Variants in ZYG11A observed in about 807,000 individuals in gnomAD.
ZYG11A encodes the protein zyg-11 family member A, cell cycle regulator, also known as protein zyg-11 homolog A.
Under a neutral mutation model 77.2 loss-of-function variants are expected in ZYG11A, and 62 were observed. The ratio of observed to expected loss-of-function variants is 0.80; its 90% CI spans 0.65 to 0.99. ZYG11A has a LOEUF of 0.99. Ranked by LOEUF, ZYG11A falls within the 50% of genes least tolerant of loss-of-function variation. The pLI is 0.00. For synonymous variants in ZYG11A, 315 were observed against 324.6 expected (o/e 0.97, Z 0.32); for missense variants, 828 against 896.8 (o/e 0.92, Z 0.98).
At position 52,894,311 on chromosome 1, in the gene ZYG11A, G is replaced by A. The variant is rs894536919; in HGVS notation, c.*1354G>A. On this transcript the variant is annotated 3_prime_UTR_variant, in exon 14 of 14. Transcript: ENST00000371528. The stretch of plus-strand genomic sequence containing the variant: ...CCATGACCAAAAATGGTAGGAAGAC[G>A]AAAGGCCAGAAAGAGACTTTGCCAG... 5 of 152,154 alleles carry A rather than the reference G, an allele frequency of 3.3e-5. No individual in the cohort carries two copies. Among genetic ancestry groups the A allele is most frequent in the African/African-American group, 4.8e-5 (2 of 41,428 alleles). The allele number at this position is 152,154 out of a possible 1,614,324, so 9.4% of individuals were successfully genotyped here.
chr1:52,855,985 T>C (rs1302062956), intron 2 of ZYG11A, among the ~76,000 whole-genome samples: 1 of 152,220 alleles, frequency 6.6e-6, no homozygotes, highest in African/African-American at 2.4e-5. Flanking sequence ...TTCATTTCTC[T>C]GAGTGAAATT....
At chr1:52,890,249 G>GTTTTTTTTTTTTTT (rs908467307) in intron 13 of ZYG11A, among the ~76,000 whole-genome samples, 1 of 71,658 alleles carries the variant, frequency 1.4e-5, no homozygotes, top group Non-Finnish European at 2.5e-5. Flanking sequence ...TTTTCTTTTA[G>GTTTTTTTTTTTTTT]TTTTTTTTTT....
rs188206151 is a variant in ZYG11A, at chr1:52,857,937, T to G, written c.1008+188T>G. 3.6e-3 allele frequency among the ~76,000 whole-genome samples: 549 copies of G among 152,054 alleles called. 1 individual carries two copies. Among genetic ancestry groups the G allele is most frequent in the Non-Finnish European group, 5.4e-3 (366 of 67,972 alleles). On this transcript the variant is annotated intron_variant, in intron 3 of 13. Coordinates refer to ENST00000371528, the MANE Select transcript of ZYG11A (RefSeq NM_001004339.3). ...GAAGGTTGTGAGAATATTATTATTA[T>G]TTTTTGAGATGGAGTAGTTTTGTAT...
At chr1:52,846,310 T>TATA (rs1645577708) in intron 1 of ZYG11A, among the ~76,000 whole-genome samples, 5 of 35,798 alleles carry the variant, frequency 1.4e-4, no homozygotes, top group African/African-American at 3.5e-4. Flanking sequence ...TTTTAAATTT[T>TATA]TATATATATA....
chr1:52,867,831 T>A (rs1412071544), intron 8 of ZYG11A, 54 bp downstream of exon 8: 6 of 1,428,218 alleles, frequency 4.2e-6, no homozygotes. Context: ...AAATTTATGA[T>A]TATAGCTTAA....
intron 1 of ZYG11A, among the ~76,000 whole-genome samples, chr1:52,849,661 C>G (rs988600111): frequency 3.4e-5 from 5 of 148,962 alleles, no homozygotes; most frequent in Non-Finnish European, 5.9e-5. Flanking sequence ...AACCACTGTG[C>G]TGGCCTAGAG....
intron 10 of ZYG11A, 48 bp downstream of exon 10, chr1:52,878,017 C>T (rs1207122440): frequency 4.1e-6 from 6 of 1,474,332 alleles, no homozygotes; most frequent in African/African-American, 1.4e-5. Context: ...AAAGCAAAAC[C>T]TAACACTTAT....
chr1:52,853,665 T>G (rs993636605), intron 1 of ZYG11A, among the ~76,000 whole-genome samples: 1 of 152,088 alleles, frequency 6.6e-6, no homozygotes. Flanking sequence ...AATCCAGCAC[T>G]TGGGGAAGCT....
At chr1:52,884,124 C>T (rs1319624798) in intron 11 of ZYG11A, among the ~76,000 whole-genome samples, 1 of 152,010 alleles carries the variant, frequency 6.6e-6, no homozygotes. Context: ...AGGTCATCCA[C>T]CCACCTCGGC....
chr1:52,867,099 G>T (rs1336809290), intron 6 of ZYG11A, among the ~76,000 whole-genome samples: 2 of 152,182 alleles, frequency 1.3e-5, no homozygotes. Flanking sequence ...AAAGAGCAGA[G>T]AAATGAGGCA....
At chr1:52,847,856 ATTTAT>A (rs1298557157) in intron 1 of ZYG11A, among the ~76,000 whole-genome samples, 1 of 89,640 alleles carries the variant, frequency 1.1e-5, no homozygotes, top group East Asian at 2.1e-4. Context: ...TTATTTATTT[ATTTAT>A]TTATTTATTT....
intron 2 of ZYG11A, among the ~76,000 whole-genome samples, chr1:52,855,873 G>C (rs1004505906): frequency 7.9e-5 from 12 of 152,182 alleles, no homozygotes; most frequent in African/African-American, 2.9e-4. Flanking sequence ...ATAAAGATAT[G>C]TGTACAAATT....
chr1:52,867,598 A>T lies in ZYG11A; in HGVS notation c.1451A>T (p.Gln484Leu). The T allele has an allele frequency of 6.4e-7, 1 of 1,552,340 alleles. No individual in the cohort carries two copies. Among genetic ancestry groups the T allele is most frequent in the Non-Finnish European group, 8.7e-7 (1 of 1,147,128 alleles). Residue 484 changes from glutamine (Q) to leucine (L), a missense_variant, in exon 7 of 14, where the codon CAA becomes CTA. Gln to Leu is a moderately radical substitution (Grantham distance 113, BLOSUM62 -2). Transcript: ENST00000371528. The stretch of plus-strand genomic sequence containing the variant: ...TGTAAGCATGAAAACCCCAAGATGC[A>T]AACAATGGCAGTGAGTGTCACCTCT... Reference protein sequence around the residue: ...WLCKHENPKMQTMAVSVTSIL... With the variant: ...WLCKHENPKMLTMAVSVTSIL...
At position 52,842,853 on chromosome 1, in the gene ZYG11A, C is replaced by T; in HGVS notation, c.-31C>T. ...TCCGGGCTCCGGCTCGACGCCGGCT[C>T]TCTTTTTGACGCCCCGCCGCCGGGG... On this transcript the variant is annotated 5_prime_UTR_variant, in exon 1 of 14. Coordinates refer to ENST00000371528, the MANE Select transcript of ZYG11A (RefSeq NM_001004339.3). 1.3e-6 allele frequency: 2 copies of T among 1,525,786 alleles called. No homozygotes were observed. Among genetic ancestry groups the T allele is most frequent in the Non-Finnish European group, 8.8e-7 (1 of 1,135,828 alleles). 94.5% of individuals were successfully genotyped at this position (1,525,786 alleles called of 1,614,324 possible). A position where few individuals can be genotyped will look rare whatever the true frequency, so the allele number is the denominator to read the frequency against.
At chr1:52,892,716 GT>G in intron 13 of ZYG11A, 65 bp from the exon 14 acceptor site, 1 of 1,337,168 alleles carries the variant, frequency 7.5e-7, no homozygotes, top group African/African-American at 1.5e-5. Context: ...CAAGGTGAAT[GT>G]GGTGACATGG....
Position 52,842,850 on chromosome 1 carries a change from G to A in ZYG11A, c.-34G>A. On this transcript the variant is annotated 5_prime_UTR_variant, in exon 1 of 14. Transcript: ENST00000371528. ...GGATCCGGGCTCCGGCTCGACGCCGGCTCTCTTTTTGACGCCCCGCCGCCG... is the reference window on the plus strand; with the variant it reads ...GGATCCGGGCTCCGGCTCGACGCCGACTCTCTTTTTGACGCCCCGCCGCCG... The A allele has an allele frequency of 6.6e-7, 1 of 1,523,278 alleles. No homozygotes were observed. Among genetic ancestry groups the A allele is most frequent in the East Asian group, 2.7e-5 (1 of 37,546 alleles). 94.4% of individuals were successfully genotyped at this position (1,523,278 alleles called of 1,614,324 possible).
intron 13 of ZYG11A, among the ~76,000 whole-genome samples, chr1:52,892,101 G>A (rs1314133723): frequency 6.7e-6 from 1 of 149,342 alleles, no homozygotes; most frequent in African/African-American, 2.5e-5. Flanking sequence ...GGGTTTCACC[G>A]TGTTAGCCAG....
chr1:52,876,261 C>G (rs1328814597), intron 8 of ZYG11A, among the ~76,000 whole-genome samples: 1 of 152,122 alleles, frequency 6.6e-6, no homozygotes, highest in Non-Finnish European at 1.5e-5. Flanking sequence ...ACCAGGTGAG[C>G]TCAGTCTTCT....
intron 8 of ZYG11A, among the ~76,000 whole-genome samples, chr1:52,869,941 G>T (rs1393912467): frequency 4.7e-5 from 7 of 147,840 alleles, no homozygotes; most frequent in Middle Eastern, 3.6e-3. Flanking sequence ...CCCAGACAGG[G>T]TGGCTGGCCG....
Sources: allele counts gnomAD v4.1 joint callset (sites outside exome capture counted in the v4.1 genomes callset), GRCh38; gene constraint gnomAD v4.1.1; transcripts MANE v1.5; gene names NCBI Gene and HGNC (gene_info 2026-07-23, HGNC 2026-07-21).